The following ASAP2 variants were observed in gnomAD, a reference collection of about 807,000 sequenced individuals.
ASAP2 encodes the protein arf-GAP with SH3 domain, ANK repeat and PH domain-containing protein 2.
A neutral mutation model predicts 131.4 loss-of-function variants in ASAP2; 45 were observed. That is an observed-to-expected ratio of 0.34 (90% CI 0.27 to 0.44). ASAP2 has a LOEUF of 0.44. ASAP2 is among the 20% of genes least tolerant of loss of function. ASAP2 has a pLI of 1.00. For missense variants in ASAP2, 1,011 were observed against 1,297.0 expected, an observed-to-expected ratio of 0.78 and a Z score of 3.39; for synonymous variants, 510 against 503.0, an observed-to-expected ratio of 1.01 and a Z score of -0.19.
At chr2:9,264,352 G>A (rs35770426) in intron 1 of ASAP2, among the ~76,000 whole-genome samples, 25,009 of 152,162 alleles carry the variant, frequency 0.16, 2,443 homozygotes, top group Middle Eastern at 0.24. Context: ...GGGGGGGCCC[G>A]TGCTGGCGTC....
chr2:9,236,006 T>C (rs1282679273), intron 1 of ASAP2, among the ~76,000 whole-genome samples: 4 of 152,132 alleles, frequency 2.6e-5, no homozygotes, highest in Non-Finnish European at 5.9e-5. Context: ...GCCAGGATGC[T>C]ACTACACATC....
chr2:9,388,159 C>T lies in ASAP2; in HGVS notation c.2131-135C>T, dbSNP rs1381571623. 3.6e-6 allele frequency: 4 copies of T among 1,105,876 alleles called. No homozygotes were observed. In the East Asian group the frequency reaches 7.7e-5, roughly 21 times the overall value. 68.5% of individuals were successfully genotyped at this position (1,105,876 alleles called of 1,614,324 possible). On this transcript the variant is annotated intron_variant, in intron 21 of 27. Transcript: ENST00000281419. ...TCTCACGCAACTTGTAGCTCTCAGG[C>T]AACAGTTGAGAGCTCAAATGGTACC... is the stretch of plus-strand genomic sequence containing the variant.
chr2:9,307,325 G>C (rs1669009201), intron 3 of ASAP2, among the ~76,000 whole-genome samples: 1 of 152,144 alleles, frequency 6.6e-6, no homozygotes, highest in African/African-American at 2.4e-5. Flanking sequence ...CCTGGGTCCA[G>C]TGCTTCCGAC....
intron 2 of ASAP2, 93 bp downstream of exon 2, chr2:9,279,482 C>A: frequency 3.5e-6 from 4 of 1,131,476 alleles, no homozygotes; most frequent in Non-Finnish European, 5.3e-6. Context: ...AACAAATGAG[C>A]CAGCTAGACT....
intron 25 of ASAP2, among the ~76,000 whole-genome samples, chr2:9,400,301 C>CCCT (rs1332318089): frequency 2.1e-5 from 2 of 94,056 alleles, no homozygotes; most frequent in Admixed American, 9.5e-5. Flanking sequence ...TCCTTCCTCC[C>CCCT]CCACTCCTGC....
At position 9,404,443 on chromosome 2, in the gene ASAP2, T is replaced by C. The variant is rs555347291; in HGVS notation, c.*1116T>C. Reference sequence around the variant, plus strand: ...CATATCATTCTTAAGCTACTTGGGGTGGTAGTAGAGGATTAGGTTGTCTAT... The same window carrying C: ...CATATCATTCTTAAGCTACTTGGGGCGGTAGTAGAGGATTAGGTTGTCTAT... On this transcript the variant is annotated 3_prime_UTR_variant, in exon 28 of 28. Coordinates refer to ENST00000281419, the MANE Select transcript of ASAP2 (RefSeq NM_003887.3). 2.0e-5 allele frequency: 3 copies of C among 152,136 alleles called. No homozygotes were observed. The highest frequency in any genetic ancestry group is 4.4e-5 in the Non-Finnish European group (3 of 68,034). 9.4% of individuals were successfully genotyped at this position (152,136 alleles called of 1,614,324 possible). A position where few individuals can be genotyped will look rare whatever the true frequency, so the allele number is the denominator to read the frequency against.
At chr2:9,378,162 C>T (rs1674549289) in intron 18 of ASAP2, among the ~76,000 whole-genome samples, 1 of 152,202 alleles carries the variant, frequency 6.6e-6, no homozygotes, top group African/African-American at 2.4e-5. Context: ...TGGTTTCCTT[C>T]TCATGGAAGC....
At chr2:9,288,009 G>A (rs950562539) in intron 2 of ASAP2, among the ~76,000 whole-genome samples, 1 of 152,100 alleles carries the variant, frequency 6.6e-6, no homozygotes, top group Admixed American at 6.5e-5. Flanking sequence ...CCTGCTGGCC[G>A]CATGCATCTG....
At chr2:9,352,047 C>G (rs1572524664) in intron 12 of ASAP2, among the ~76,000 whole-genome samples, 1 of 152,182 alleles carries the variant, frequency 6.6e-6, no homozygotes, top group Non-Finnish European at 1.5e-5. Context: ...TTATAAAATG[C>G]TGAGTACTGG....
intron 1 of ASAP2, among the ~76,000 whole-genome samples, chr2:9,218,771 C>T (rs1695942384): frequency 6.6e-6 from 1 of 152,228 alleles, no homozygotes; most frequent in Non-Finnish European, 1.5e-5. Flanking sequence ...AACACTTCCC[C>T]TGCCTCTTGC....
chr2:9,317,639 C>T (rs904639148), intron 3 of ASAP2, among the ~76,000 whole-genome samples: 1 of 151,266 alleles, frequency 6.6e-6, no homozygotes, highest in Admixed American at 6.6e-5. Flanking sequence ...CACACCCATA[C>T]ACACATTTAC....
chr2:9,306,165 GCT>G, intron 3 of ASAP2, among the ~76,000 whole-genome samples: 1 of 150,600 alleles, frequency 6.6e-6, no homozygotes, highest in Non-Finnish European at 1.5e-5. Context: ...GGGTGGAGGG[GCT>G]CTAGGGGTGT....
chr2:9,270,234 G>A (rs1166427397), intron 1 of ASAP2, among the ~76,000 whole-genome samples: 1 of 152,086 alleles, frequency 6.6e-6, no homozygotes, highest in Non-Finnish European at 1.5e-5. Context: ...GCCTTTGTTT[G>A]TGTTTTTTAC....
intron 1 of ASAP2, among the ~76,000 whole-genome samples, chr2:9,267,797 C>CT: frequency 6.8e-6 from 1 of 146,540 alleles, no homozygotes; most frequent in East Asian, 2.1e-4. Flanking sequence ...ACTCAGAAGG[C>CT]TGAGGCCTGA....
At chr2:9,260,060 C>T (rs1665472938) in intron 1 of ASAP2, among the ~76,000 whole-genome samples, 1 of 152,156 alleles carries the variant, frequency 6.6e-6, no homozygotes, top group African/African-American at 2.4e-5. Context: ...AGGCACCAGT[C>T]TGATGGCCTG....
chr2:9,301,032 T>G (rs1427868562), intron 3 of ASAP2, among the ~76,000 whole-genome samples: 1 of 152,260 alleles, frequency 6.6e-6, no homozygotes, highest in East Asian at 1.9e-4. Flanking sequence ...GCTGGGCAAA[T>G]GGGGAGCGGA....
At chr2:9,300,460 A>T (rs10170027) in intron 3 of ASAP2, among the ~76,000 whole-genome samples, 2 of 152,214 alleles carry the variant, frequency 1.3e-5, no homozygotes, top group African/African-American at 2.4e-5. Context: ...CAGCTGGTAC[A>T]TTGCTCACCA....
At chr2:9,261,946 ACC>A (rs1302204916) in intron 1 of ASAP2, among the ~76,000 whole-genome samples, 2 of 152,156 alleles carry the variant, frequency 1.3e-5, no homozygotes, top group African/African-American at 4.8e-5. Context: ...AGAGCGCCTC[ACC>A]CCACCATTTG....
In ASAP2 at chr2:9,259,268, C is replaced by T. The variant is rs117891152; in HGVS notation, c.127-20049C>T. Among the ~76,000 whole-genome samples the T allele has an allele frequency of 3.5e-3, 531 of 152,352 alleles. 5 individuals are homozygous for T. The highest frequency in any genetic ancestry group is 0.011 in the African/African-American group (478 of 41,580). On this transcript the variant is annotated intron_variant, in intron 1 of 27. Transcript: ENST00000281419. ...TTGGGGAGAAACATTCATCCCTCAA[C>T]GCTGAGAATAAATGGCCTTTGCTGA...
Sources: allele counts gnomAD v4.1 joint callset (sites outside exome capture counted in the v4.1 genomes callset), GRCh38; gene constraint gnomAD v4.1.1; transcripts MANE v1.5; gene names NCBI Gene and HGNC (gene_info 2026-07-23, HGNC 2026-07-21).